Variants in KCNV2 observed in about 807,000 individuals in gnomAD.
The protein encoded by KCNV2 is potassium voltage-gated channel subfamily V member 2.
Under a neutral mutation model 37.0 loss-of-function variants are expected in KCNV2, and 65 were observed. That is an observed-to-expected ratio of 1.76 (90% confidence interval 1.44 to 2.16). The LOEUF is 2.16. Among genes scored for constraint, KCNV2 ranks in the 30% most tolerant of loss-of-function variants. KCNV2 has a pLI of 0.00. For missense variants in KCNV2, 1,232 were observed against 766.7 expected (o/e 1.61, Z -7.17); for synonymous variants, 518 against 328.6 (o/e 1.58, Z -6.23).
chr9:2,728,135 TA>T (rs1407242781), intron 1 of KCNV2, among the ~76,000 whole-genome samples: 6 of 152,194 alleles, frequency 3.9e-5, no homozygotes, highest in Non-Finnish European at 8.8e-5. Flanking sequence ...CATTTCATTC[TA>T]ATCAGTCAAC....
At chr9:2,720,389 G>C (rs1236009167) in intron 1 of KCNV2, 1 of 152,060 alleles carries the variant, frequency 6.6e-6, no homozygotes, top group Non-Finnish European at 1.5e-5. Context: ...AGTTCAGTGA[G>C]TCTTCCTTCC....
At position 2,718,180 on chromosome 9, in the gene KCNV2, C is replaced by A. The variant is rs146659188; in HGVS notation, c.441C>A (p.Asp147Glu). The change falls in exon 1 of 2, where the codon GAC (aspartate) becomes GAA (glutamate). Residue 147 changes from aspartate to glutamate, a missense_variant. Asp to Glu is a conservative substitution (Grantham distance 45, BLOSUM62 2). Transcript: ENST00000382082. ...GCGACGACTACGAGGAGCAGACAGACGAATACTTCTTCGACCGCGACCCGG... is the reference window on the plus strand; with the variant it reads ...GCGACGACTACGAGGAGCAGACAGAAGAATACTTCTTCGACCGCGACCCGG... The part of the protein sequence containing the change: ...SLCDDYEEQT[D>E]EYFFDRDPAV... The A allele has an allele frequency of 2.2e-4, 350 of 1,613,288 alleles. No homozygotes were observed. The Middle Eastern group carries it at 3.0e-3, about 14-fold the overall frequency.
chr9:2,719,736 T>A (rs12351909), intron 1 of KCNV2, among the ~76,000 whole-genome samples: 6,959 of 152,330 alleles, frequency 0.046, 558 homozygotes, highest in African/African-American at 0.16. Flanking sequence ...GAATGTGGAC[T>A]CACAGCTAGA....
intron 1 of KCNV2, among the ~76,000 whole-genome samples, chr9:2,720,282 C>A (rs1404876128): frequency 6.6e-6 from 1 of 152,200 alleles, no homozygotes; most frequent in African/African-American, 2.4e-5. Flanking sequence ...CAATAATTAA[C>A]CATGACCCTG....
chr9:2,719,243 C>T (rs1819816455), intron 1 of KCNV2, 148 bp downstream of exon 1: 2 of 813,324 alleles, frequency 2.5e-6, no homozygotes, highest in South Asian at 1.6e-5. Context: ...AACAAAACGG[C>T]GATGGATGTC....
rs745506598 is a variant in KCNV2, at chr9:2,718,586, G to C, written c.847G>C (p.Glu283Gln). 15 of 1,612,844 alleles carry C rather than the reference G, an allele frequency of 9.3e-6. No homozygotes were observed. Among genetic ancestry groups the C allele is most frequent in the South Asian group, 2.2e-5 (2 of 91,066 alleles). Reference sequence around the variant, plus strand: ...GGTGGCGCTGGCGCTCAACACCGTGGAGGAGATGCAGCAGCACTCGGGGCA... The same window carrying C: ...GGTGGCGCTGGCGCTCAACACCGTGCAGGAGATGCAGCAGCACTCGGGGCA... ...SVVALALNTVEEMQQHSGQGE... is the reference protein window; with the variant it reads ...SVVALALNTVQEMQQHSGQGE... The change falls in exon 1 of 2, where the codon GAG becomes CAG. Residue 283 changes from glutamate to glutamine, a missense_variant. Physicochemically the swap from Glu to Gln is conservative, Grantham distance 29 (BLOSUM62 2). Transcript: ENST00000382082.
rs1301200142 is a variant in KCNV2, at chr9:2,717,685, G to A, written c.-55G>A. 1.1e-5 allele frequency: 17 copies of A among 1,611,712 alleles called. No homozygotes were observed. The South Asian group carries it at 1.4e-4, about 14-fold the overall frequency. ...ATCCTCCTAGAGGCAGTGAGCAGGT[G>A]AGGGACCCCTACCACAGCCAGGAGG... On this transcript the variant is annotated 5_prime_UTR_variant, in exon 1 of 2. Transcript: ENST00000382082.
At position 2,718,763 on chromosome 9, in the gene KCNV2, G is replaced by A; in HGVS notation, c.1024G>A (p.Ala342Thr). The change falls in exon 1 of 2, where the codon GCC (alanine) becomes ACC (threonine). Residue 342 changes from alanine (A) to threonine (T), a missense_variant. Transcript: ENST00000382082. ...RSALNLVDLV[A>T]ILPLYLQLLL... ...CGCCCTCAACCTGGTGGACCTGGTG[G>A]CCATCCTGCCGCTCTACCTTCAGCT... is the stretch of plus-strand genomic sequence containing the variant. 1.2e-6 allele frequency: 2 copies of A among 1,611,398 alleles called. No individual in the cohort carries two copies.
rs765249083 is a variant in KCNV2 at position 2,718,461 on chromosome 9, C to T, written c.722C>T (p.Pro241Leu). Residue 241 changes from proline (P) to leucine (L), a missense_variant, in exon 1 of 2, where the codon CCG becomes CTG. Pro to Leu is a moderately conservative substitution (Grantham distance 98). Transcript: ENST00000382082. ...ELFRDMRFYG[P>L]QRRRLWNLME... ...TTCCGCGACATGCGCTTCTACGGCC[C>T]GCAGCGGCGCCGCCTCTGGAACCTC... The T allele has an allele frequency of 3.7e-6, 6 of 1,608,348 alleles. No homozygotes were observed. Among genetic ancestry groups the T allele is most frequent in the African/African-American group, 2.7e-5 (2 of 75,004 alleles).
rs1586686185 is a variant in KCNV2 at position 2,717,594 on chromosome 9, A to G, written c.-146A>G. On this transcript the variant is annotated 5_prime_UTR_variant, in exon 1 of 2. The change abolishes an upstream ATG in the 5' untranslated region. Coordinates refer to ENST00000382082, the MANE Select transcript of KCNV2 (RefSeq NM_133497.4). ...CTGAGAAGGGGCAGCTCCGGTGGCA[A>G]TGTCTGAGCCCCTAGCTGTGCTGGT... 3 of 1,016,532 alleles carry G rather than the reference A, an allele frequency of 3.0e-6. No homozygotes were observed. Among genetic ancestry groups the G allele is most frequent in the Non-Finnish European group, 4.4e-6 (3 of 675,448 alleles). The allele number at this position is 1,016,532 out of a possible 1,614,324, so 63.0% of individuals were successfully genotyped here. A position where few individuals can be genotyped will look rare whatever the true frequency, so the allele number is the denominator to read the frequency against.
intron 1 of KCNV2, among the ~76,000 whole-genome samples, chr9:2,726,710 G>A (rs569346523): frequency 3.9e-5 from 6 of 152,028 alleles, no homozygotes; most frequent in East Asian, 3.9e-4. Context: ...CCCCAATCCC[G>A]GGCTGTGGAG....
In KCNV2 at chr9:2,722,345, A is replaced by G. The variant is rs997529622; in HGVS notation, c.1356+3250A>G. Among the ~76,000 whole-genome samples, 2 of 139,384 alleles carry G rather than the reference A, an allele frequency of 1.4e-5. 1 individual carries two copies. Among genetic ancestry groups the G allele is most frequent in the African/African-American group, 5.6e-5 (2 of 35,900 alleles). The allele number at this position is 139,384 out of a possible 152,430, so 91.4% of individuals were successfully genotyped here. On this transcript the variant is annotated intron_variant, in intron 1 of 1. Coordinates refer to ENST00000382082, the MANE Select transcript of KCNV2 (RefSeq NM_133497.4). The stretch of plus-strand genomic sequence containing the variant: ...TAAATTAGAAGTTATTTATAAATAA[A>G]TTAGAAGTTATTTATAAATAAATTA...
intron 1 of KCNV2, among the ~76,000 whole-genome samples, chr9:2,727,996 C>T (rs1447876516): frequency 6.6e-6 from 1 of 152,142 alleles, no homozygotes; most frequent in Non-Finnish European, 1.5e-5. Context: ...TCACAAGAGA[C>T]AGGGCAGTGA....
chr9:2,726,482 G>A (rs1010437487), intron 1 of KCNV2, among the ~76,000 whole-genome samples: 1 of 151,688 alleles, frequency 6.6e-6, no homozygotes, highest in African/African-American at 2.4e-5. Flanking sequence ...TTCACTCAAA[G>A]TTCAGCCAAA....
chr9:2,723,506 G>A (rs1586690151), intron 1 of KCNV2, among the ~76,000 whole-genome samples: 1 of 152,302 alleles, frequency 6.6e-6, no homozygotes, highest in East Asian at 1.9e-4. Context: ...AAATGCTCAT[G>A]TATTAGGATG....
chr9:2,727,116 T>C (rs1207453844), intron 1 of KCNV2, among the ~76,000 whole-genome samples: 1 of 152,106 alleles, frequency 6.6e-6, no homozygotes, highest in African/African-American at 2.4e-5. Flanking sequence ...TTGACTAAAC[T>C]TTCATCCAGA....
chr9:2,718,838 G>T lies in KCNV2; in HGVS notation c.1099G>T (p.Gly367Cys), dbSNP rs377129306. 2 of 1,609,416 alleles carry T rather than the reference G, an allele frequency of 1.2e-6. No individual in the cohort carries two copies. The highest frequency in any genetic ancestry group is 2.2e-5 in the East Asian group (1 of 44,888). Residue 367 changes from glycine (G) to cysteine (C), a missense_variant, in exon 1 of 2, where the codon GGC (glycine) becomes TGC (cysteine). Transcript: ENST00000382082. The part of the protein sequence containing the change: ...GEGHQRGQTV[G>C]SVGKVGQVLR... ...GGGCCACCAACGCGGCCAGACGGTG[G>T]GCAGCGTGGGTAAGGTGGGTCAGGT...
Position 2,717,845 on chromosome 9 carries a change from C to T in KCNV2, c.106C>T (p.Arg36Cys). The T allele has an allele frequency of 2.5e-6, 4 of 1,614,200 alleles. No individual in the cohort carries two copies. The highest frequency in any genetic ancestry group is 2.2e-5 in the South Asian group (2 of 91,086). The change falls in exon 1 of 2, where the codon CGT (arginine) becomes TGT (cysteine). Residue 36 changes from arginine (R) to cysteine (C), a missense_variant. Coordinates refer to ENST00000382082, the MANE Select transcript of KCNV2 (RefSeq NM_133497.4). The part of the protein sequence containing the change: ...HRRSICSLGA[R>C]SGSQASIHGW... Reference sequence around the variant, plus strand: ...CAGGAGCATTTGCTCCCTGGGTGCCCGTTCCGGCTCCCAGGCCAGCATCCA... The same window carrying T: ...CAGGAGCATTTGCTCCCTGGGTGCCTGTTCCGGCTCCCAGGCCAGCATCCA...
chr9:2,727,033 C>T (rs1014890192), intron 1 of KCNV2, among the ~76,000 whole-genome samples: 6 of 152,106 alleles, frequency 3.9e-5, no homozygotes, highest in Admixed American at 1.3e-4. Context: ...GGTTGGGGAC[C>T]GCTGTTCTAA....
Sources: gnomAD v4.1 joint callset for allele counts (sites outside exome capture counted in the v4.1 genomes callset) on GRCh38, gnomAD v4.1.1 for gene constraint, MANE v1.5 for transcripts, NCBI Gene and HGNC (gene_info 2026-07-23, HGNC 2026-07-21) for gene names.